Variants in NEK10 observed in about 807,000 individuals in gnomAD.
NEK10 encodes the protein NIMA related kinase 10, also known as serine/threonine-protein kinase Nek10.
Under a neutral mutation model 159.8 loss-of-function variants are expected in NEK10, and 122 were observed. That is an observed-to-expected ratio of 0.76 (90% CI 0.66 to 0.89). The LOEUF (loss-of-function observed/expected upper bound fraction) is 0.89. Ranked by LOEUF, NEK10 falls within the 40% of genes least tolerant of loss-of-function variation. The pLI is 0.00. For missense variants in NEK10, 1,342 were observed against 1,323.1 expected, an observed-to-expected ratio of 1.01 and a Z score of -0.22; for synonymous variants, 466 against 457.1, an observed-to-expected ratio of 1.02 and a Z score of -0.25.
chr3:27,134,603 CTAGTT>C (rs1309713716), intron 31 of NEK10, among the ~76,000 whole-genome samples: 2 of 152,116 alleles, frequency 1.3e-5, no homozygotes, highest in African/African-American at 4.8e-5. Context: ...TGAGAAGCCT[CTAGTT>C]AAGTTAGAAT....
At chr3:27,247,659 C>T (rs940598528) in intron 23 of NEK10, among the ~76,000 whole-genome samples, 2 of 152,042 alleles carry the variant, frequency 1.3e-5, no homozygotes, top group Non-Finnish European at 2.9e-5. Flanking sequence ...CCTCAGCCTT[C>T]CAAGTAGCTG....
chr3:27,200,633 G>C (rs1169837662), intron 25 of NEK10, among the ~76,000 whole-genome samples: 1 of 152,160 alleles, frequency 6.6e-6, no homozygotes, highest in African/African-American at 2.4e-5. Flanking sequence ...TTTCCATTTT[G>C]GTGGGGAAGA....
At chr3:27,243,859 GTGTGTC>G (rs1430931094) in intron 23 of NEK10, among the ~76,000 whole-genome samples, 1 of 148,282 alleles carries the variant, frequency 6.7e-6, no homozygotes, top group Non-Finnish European at 1.5e-5. Context: ...GTGTGTGTGT[GTGTGTC>G]TGTGTGTCCG....
At chr3:27,172,194 G>C (rs1947056885) in intron 28 of NEK10, among the ~76,000 whole-genome samples, 1 of 151,832 alleles carries the variant, frequency 6.6e-6, no homozygotes, top group Non-Finnish European at 1.5e-5. Context: ...AATTAGCTGG[G>C]TGTGGTGGAG....
chr3:27,285,009 C>T, intron 20 of NEK10, 48 bp from the exon 21 acceptor site: 1 of 1,477,972 alleles, frequency 6.8e-7, no homozygotes, highest in African/African-American at 1.4e-5. Context: ...TCAATACAGG[C>T]ATCTTGAAAA....
At chr3:27,289,767 T>C (rs17681498) in intron 19 of NEK10, among the ~76,000 whole-genome samples, 23,527 of 152,214 alleles carry the variant, frequency 0.15, 2,037 homozygotes, top group Non-Finnish European at 0.2. Context: ...ATGAACAAAC[T>C]TTTTAAAGTC....
intron 4 of NEK10, among the ~76,000 whole-genome samples, chr3:27,344,903 T>C (rs1375076843): frequency 6.6e-6 from 1 of 152,204 alleles, no homozygotes; most frequent in African/African-American, 2.4e-5. Flanking sequence ...ACTGTCACTG[T>C]TGATTGTTTA....
rs750137925 is a variant in NEK10, at chr3:27,307,945, A to G, written c.717T>C (p.Ser239=). 17 of 1,435,308 alleles carry G rather than the reference A, an allele frequency of 1.2e-5. No individual in the cohort carries two copies. The East Asian group carries it at 3.6e-4, about 31-fold the overall frequency. The allele number at this position is 1,435,308 out of a possible 1,614,324, so 88.9% of individuals were successfully genotyped here. A position where few individuals can be genotyped will look rare whatever the true frequency, so the allele number is the denominator to read the frequency against. ...CACTTATCTTCTCCCTACATTCTTGACTATAAATTGAAAAATATTAGCAAT... is the reference window on the plus strand; with the variant it reads ...CACTTATCTTCTCCCTACATTCTTGGCTATAAATTGAAAAATATTAGCAAT... ...SLLALASLAE[S]QECREKISEL... The change falls in exon 11 of 36, where the codon AGT becomes AGC. Residue 239 remains serine (S), a splice_region_variant and synonymous_variant. Coordinates refer to ENST00000691995, the MANE Select transcript of NEK10 (RefSeq NM_001394966.1).
chr3:27,147,422 C>A (rs545288632), intron 30 of NEK10, among the ~76,000 whole-genome samples: 1 of 152,212 alleles, frequency 6.6e-6, no homozygotes, highest in Non-Finnish European at 1.5e-5. Flanking sequence ...GGCCTAGATG[C>A]CCCTGCTACC....
chr3:27,153,476 C>T (rs1036702786), intron 30 of NEK10, among the ~76,000 whole-genome samples: 2 of 152,130 alleles, frequency 1.3e-5, no homozygotes, highest in African/African-American at 2.4e-5. Flanking sequence ...ATATACAGAA[C>T]ATTTCATCCA....
chr3:27,327,573 A>G (rs1324484656), intron 5 of NEK10, among the ~76,000 whole-genome samples: 2 of 152,302 alleles, frequency 1.3e-5, no homozygotes, highest in Non-Finnish European at 2.9e-5. Flanking sequence ...CAGGGTTTCA[A>G]CTTCTTACAC....
chr3:27,207,690 A>G (rs1950641071), intron 23 of NEK10, among the ~76,000 whole-genome samples: 1 of 152,204 alleles, frequency 6.6e-6, no homozygotes, highest in South Asian at 2.1e-4. Flanking sequence ...AGTCTATTAA[A>G]AAGTACATTT....
intron 5 of NEK10, among the ~76,000 whole-genome samples, chr3:27,332,334 T>C (rs774745779): frequency 6.6e-6 from 1 of 152,242 alleles, no homozygotes; most frequent in Non-Finnish European, 1.5e-5. Context: ...CATGATCCAA[T>C]TCTTTCTTTA....
chr3:27,215,686 C>T lies in NEK10; in HGVS notation c.2091-13129G>A, dbSNP rs565057809. 2.7e-4 allele frequency: 175 copies of T among 650,784 alleles called. 1 individual carries two copies. In the African/African-American group the frequency reaches 2.8e-3, roughly 10 times the overall value. 40.3% of individuals were successfully genotyped at this position (650,784 alleles called of 1,614,324 possible). On this transcript the variant is annotated intron_variant, in intron 23 of 35. Transcript: ENST00000691995. ...GTTCTTGCACTACTACAAAGAAATA[C>T]CTGAGACTAGGTAATTTAGAAAGAA... is the stretch of plus-strand genomic sequence containing the variant.
intron 5 of NEK10, among the ~76,000 whole-genome samples, chr3:27,339,563 G>A (rs1270407212): frequency 2.6e-5 from 4 of 152,040 alleles, no homozygotes; most frequent in African/African-American, 4.8e-5. Flanking sequence ...GAAGGATCAC[G>A]AGGTCAAGAG....
chr3:27,130,952 A>C (rs1268165337), intron 32 of NEK10, among the ~76,000 whole-genome samples: 5 of 152,024 alleles, frequency 3.3e-5, no homozygotes. Context: ...TTTTTCCCCC[A>C]TCTGTTTTTG....
At chr3:27,311,211 T>A (rs1236834520) in intron 8 of NEK10, 195 bp from the exon 9 acceptor site, 1 of 426,914 alleles carries the variant, frequency 2.3e-6, no homozygotes, top group Admixed American at 4.3e-5. Flanking sequence ...CACTGGTATT[T>A]ATTTTCTAAT....
At chr3:27,205,042 G>T (rs1456295725) in intron 23 of NEK10, among the ~76,000 whole-genome samples, 2 of 151,296 alleles carry the variant, frequency 1.3e-5, no homozygotes, top group East Asian at 3.9e-4. Flanking sequence ...GTTTTGATTT[G>T]CATTTCTCTG....
At chr3:27,287,618 C>A in intron 20 of NEK10, 80 bp downstream of exon 20, 1 of 1,436,812 alleles carries the variant, frequency 7.0e-7, no homozygotes, top group Non-Finnish European at 9.3e-7. Context: ...GATTAGGTTT[C>A]TTTTGTGACA....
Sources: allele counts gnomAD v4.1 joint callset (sites outside exome capture counted in the v4.1 genomes callset), GRCh38; gene constraint gnomAD v4.1.1; transcripts MANE v1.5; gene names NCBI Gene and HGNC (gene_info 2026-07-23, HGNC 2026-07-21).